RBFOX1: variants seen among roughly 807,000 people sequenced by gnomAD.
RBFOX1 encodes the protein RNA binding fox-1 homolog 1, also known as RNA binding protein fox-1 homolog 1.
A neutral mutation model predicts 57.7 loss-of-function variants in RBFOX1; 8 were observed. The observed-to-expected ratio is 0.14, with a 90% CI of 0.08 to 0.25. The LOEUF (loss-of-function observed/expected upper bound fraction) is 0.25. Among genes scored for constraint, RBFOX1 ranks in the 10% least tolerant of loss-of-function variants. The pLI is 1.00. For missense variants in RBFOX1, 611 were observed against 548.5 expected (o/e 1.11, Z -1.14); for synonymous variants, 326 against 222.4 (o/e 1.47, Z -4.15).
At chr16:6,566,338 A>G (rs2097265784) in intron 2 of RBFOX1, among the ~76,000 whole-genome samples, 1 of 152,320 alleles carries the variant, frequency 6.6e-6, no homozygotes, top group Admixed American at 6.5e-5. Context: ...TGTCAAAAGC[A>G]GTACCTTTAA....
intron 3 of RBFOX1, among the ~76,000 whole-genome samples, chr16:6,954,477 ACGT>A (rs2081362324): frequency 6.6e-6 from 1 of 152,164 alleles, no homozygotes; most frequent in African/African-American, 2.4e-5. Flanking sequence ...TCAGTTTAAA[ACGT>A]AATTTTGTTG....
intron 2 of RBFOX1, among the ~76,000 whole-genome samples, chr16:6,568,616 G>T (rs565314514): frequency 2.0e-5 from 3 of 152,200 alleles, no homozygotes; most frequent in Non-Finnish European, 4.4e-5. Context: ...GGGCCATCTT[G>T]GGGGTTCATT....
intron 1 of RBFOX1, among the ~76,000 whole-genome samples, chr16:6,021,229 G>A (rs1163768239): frequency 6.6e-6 from 1 of 152,032 alleles, no homozygotes; most frequent in Non-Finnish European, 1.5e-5. Context: ...TTTAAACTCC[G>A]TTGTGCAGAG....
chr16:7,378,958 C>T (rs1243694123), intron 4 of RBFOX1, among the ~76,000 whole-genome samples: 1 of 152,204 alleles, frequency 6.6e-6, no homozygotes, highest in East Asian at 1.9e-4. Flanking sequence ...TGAAGGAAAT[C>T]CCACCACTGA....
At chr16:7,215,661 C>G (rs1176558912) in intron 4 of RBFOX1, among the ~76,000 whole-genome samples, 1 of 152,016 alleles carries the variant, frequency 6.6e-6, no homozygotes, top group Non-Finnish European at 1.5e-5. Context: ...ATTTCTTCCC[C>G]CAGTTCCCCA....
chr16:5,758,310 C>T (rs2053471184), intron 3 of RBFOX1, among the ~76,000 whole-genome samples: 2 of 152,282 alleles, frequency 1.3e-5, no homozygotes, highest in East Asian at 1.9e-4. Flanking sequence ...CCATAGTTAC[C>T]TCTCGGCTCT....
At chr16:7,371,043 T>C (rs973649253) in intron 4 of RBFOX1, among the ~76,000 whole-genome samples, 2 of 152,196 alleles carry the variant, frequency 1.3e-5, no homozygotes, top group Non-Finnish European at 2.9e-5. Flanking sequence ...GACTTGCCTG[T>C]ATTTTGTTCT....
chr16:7,098,892 T>G (rs1268381062), intron 4 of RBFOX1, among the ~76,000 whole-genome samples: 1 of 152,146 alleles, frequency 6.6e-6, no homozygotes, highest in Non-Finnish European at 1.5e-5. Context: ...TAACCCTCAG[T>G]TTCTTCATCT....
chr16:6,421,070 C>A (rs779722325), intron 2 of RBFOX1, among the ~76,000 whole-genome samples: 1 of 152,120 alleles, frequency 6.6e-6, no homozygotes, highest in Non-Finnish European at 1.5e-5. Flanking sequence ...ATTTAGACTC[C>A]AATTTGTAAG....
chr16:6,053,906 A>G (rs941475246), intron 1 of RBFOX1, among the ~76,000 whole-genome samples: 1 of 152,092 alleles, frequency 6.6e-6, no homozygotes, highest in Non-Finnish European at 1.5e-5. Flanking sequence ...AAAAGTGCAC[A>G]AAAATTAAGC....
intron 4 of RBFOX1, among the ~76,000 whole-genome samples, chr16:7,302,217 G>C (rs1228866919): frequency 6.6e-6 from 1 of 152,214 alleles, no homozygotes; most frequent in Non-Finnish European, 1.5e-5. Flanking sequence ...AAGATGAAAA[G>C]TGGAAAGAAA....
intron 3 of RBFOX1, among the ~76,000 whole-genome samples, chr16:5,641,400 T>G (rs575738271): frequency 3.7e-4 from 57 of 152,322 alleles, no homozygotes; most frequent in African/African-American, 1.3e-3. Context: ...CAGTGTCCAG[T>G]AGTAGTAAGT....
At chr16:5,894,343 C>T (rs2058110184) in intron 4 of RBFOX1, among the ~76,000 whole-genome samples, 1 of 152,154 alleles carries the variant, frequency 6.6e-6, no homozygotes, top group Non-Finnish European at 1.5e-5. Flanking sequence ...AGTGCAGTGG[C>T]ACAGTTTTGG....
intron 1 of RBFOX1, among the ~76,000 whole-genome samples, chr16:6,266,918 A>G (rs915306563): frequency 1.3e-5 from 2 of 152,174 alleles, no homozygotes; most frequent in Non-Finnish European, 1.5e-5. Flanking sequence ...TCTGAATTCC[A>G]TACTCTTAGC....
Position 7,243,771 on chromosome 16 carries a change from A to G in RBFOX1, c.27+191673A>G, listed in dbSNP as rs530891937. On this transcript the variant is annotated intron_variant, in intron 4 of 15. Transcript: ENST00000550418. The stretch of plus-strand genomic sequence containing the variant: ...CGCTGTGCTTCCCAGACTGGTCTTG[A>G]ACTTTTAGGCTCAAGTGATCCTCCT... Among the ~76,000 whole-genome samples, 4 of 152,132 alleles carry G rather than the reference A, an allele frequency of 2.6e-5. No individual in the cohort carries two copies. In the East Asian group the frequency reaches 5.8e-4, roughly 22 times the overall value.
chr16:7,402,750 C>T (rs540080076), intron 4 of RBFOX1, among the ~76,000 whole-genome samples: 9 of 152,192 alleles, frequency 5.9e-5, no homozygotes, highest in South Asian at 2.1e-4. Flanking sequence ...AAGAAGGGTG[C>T]CCCCCTCCTT....
intron 3 of RBFOX1, among the ~76,000 whole-genome samples, chr16:6,885,479 C>G (rs976940284): frequency 2.6e-5 from 4 of 152,168 alleles, no homozygotes; most frequent in African/African-American, 9.7e-5. Context: ...TGGAGACTTT[C>G]TTGACAAAGT....
At chr16:7,502,449 A>C (rs1306156856) in intron 4 of RBFOX1, among the ~76,000 whole-genome samples, 1 of 152,160 alleles carries the variant, frequency 6.6e-6, no homozygotes, top group Non-Finnish European at 1.5e-5. Flanking sequence ...GGTGGTTGCT[A>C]AGTTTTCACC....
chr16:5,377,152 A>G (rs1291922008), intron 1 of RBFOX1, among the ~76,000 whole-genome samples: 1 of 151,618 alleles, frequency 6.6e-6, no homozygotes, highest in Non-Finnish European at 1.5e-5. Flanking sequence ...CCTGCTGTAT[A>G]TCTGCCAGAC....
Sources: gnomAD v4.1 joint callset for allele counts (sites outside exome capture counted in the v4.1 genomes callset) on GRCh38, gnomAD v4.1.1 for gene constraint, MANE v1.5 for transcripts, NCBI Gene and HGNC (gene_info 2026-07-23, HGNC 2026-07-21) for gene names.